Variants in TMEM119 observed in about 807,000 individuals in gnomAD.
TMEM119 encodes transmembrane protein 119.
For missense variants in TMEM119, 410 were observed against 381.0 expected, an observed-to-expected ratio of 1.08 and a Z score of -0.63; for synonymous variants, 182 against 176.4, an observed-to-expected ratio of 1.03 and a Z score of -0.25.
Position 108,591,527 on chromosome 12 carries a change from G to A in TMEM119, c.*5C>T, listed in dbSNP as rs1300555307. On this transcript the variant is annotated 3_prime_UTR_variant, in exon 2 of 2. Coordinates refer to ENST00000392806, the MANE Select transcript of TMEM119 (RefSeq NM_181724.3). This position sits in a 1 kb window ranked among gnomAD's most constrained non-coding sequence, Gnocchi z 4.2. ...ACAGTCAGGGCTGGCAGCCCGGGAG[G>A]ACTGTTAGACACTGGGGTGGACACT... 1.2e-5 allele frequency: 19 copies of A among 1,576,860 alleles called. No individual in the cohort carries two copies. Among genetic ancestry groups the A allele is most frequent in the Non-Finnish European group, 1.6e-5 (19 of 1,160,208 alleles).
rs1433198339 is a variant in TMEM119, at chr12:108,590,904, A to G, written c.*628T>C. ...AGGACACAAGAAGGGAACCATTTGC[A>G]GTTTCAAAATACTGCTTCACGCCAG... On this transcript the variant is annotated 3_prime_UTR_variant, in exon 2 of 2. Transcript: ENST00000392806. 2 of 152,266 alleles carry G rather than the reference A, an allele frequency of 1.3e-5. No homozygotes were observed. The highest frequency in any genetic ancestry group is 2.1e-4 in the South Asian group (1 of 4,836). The allele number at this position is 152,266 out of a possible 1,614,324, so 9.4% of individuals were successfully genotyped here. A position where few individuals can be genotyped will look rare whatever the true frequency, so the allele number is the denominator to read the frequency against.
Position 108,592,509 on chromosome 12 carries a change from A to G in TMEM119, c.-14-112T>C, listed in dbSNP as rs1411338932. ...CAGGGAGCATGAAACACCTTCTAGC[A>G]AGTCCCTTCCATTCCCAGGGCCTGA... On this transcript the variant is annotated intron_variant, in intron 1 of 1. Coordinates refer to ENST00000392806, the MANE Select transcript of TMEM119 (RefSeq NM_181724.3). The surrounding 1 kb of genome is among the most constrained non-coding windows in gnomAD (Gnocchi z 4.3). The G allele has an allele frequency of 8.3e-7, 1 of 1,211,760 alleles. No individual in the cohort carries two copies. Among genetic ancestry groups the G allele is most frequent in the African/African-American group, 1.5e-5 (1 of 65,036 alleles). 75.1% of individuals were successfully genotyped at this position (1,211,760 alleles called of 1,614,324 possible).
In TMEM119 at chr12:108,591,434, G is replaced by C; in HGVS notation, c.*98C>G. The stretch of plus-strand genomic sequence containing the variant: ...TTGGCACCACAGGGAGGCCAAGGAG[G>C]GAGTGTCAGGAAGCAGTCAGGGCTG... On this transcript the variant is annotated 3_prime_UTR_variant, in exon 2 of 2. Coordinates refer to ENST00000392806, the MANE Select transcript of TMEM119 (RefSeq NM_181724.3). This position sits in a 1 kb window ranked among gnomAD's most constrained non-coding sequence, Gnocchi z 4.2. The C allele has an allele frequency of 1.9e-5, 26 of 1,365,162 alleles. No homozygotes were observed. The highest frequency in any genetic ancestry group is 2.5e-5 in the Non-Finnish European group (25 of 1,014,104). 84.6% of individuals were successfully genotyped at this position (1,365,162 alleles called of 1,614,324 possible).
At chr12:108,594,550 C>CAAAAAAAAAAAAAAAAA (rs60142479) in intron 1 of TMEM119, 6 of 102,804 alleles carry the variant, frequency 5.8e-5, no homozygotes, top group Non-Finnish European at 5.7e-5. Context: ...AAGAACCTGT[C>CAAAAAAAAAAAAAAAAA]AAAAAAAAAA....
intron 1 of TMEM119, among the ~76,000 whole-genome samples, chr12:108,595,786 C>G (rs77442142): frequency 0.021 from 3,153 of 152,338 alleles, 51 homozygotes; most frequent in Middle Eastern, 0.051. Flanking sequence ...CCCCTCACCT[C>G]TCTGGCACCT....
chr12:108,595,472 A>G (rs1240773581), intron 1 of TMEM119, among the ~76,000 whole-genome samples: 1 of 150,360 alleles, frequency 6.7e-6, no homozygotes, highest in African/African-American at 2.5e-5. Flanking sequence ...ACACACATGC[A>G]CACACACCCC....
intron 1 of TMEM119, among the ~76,000 whole-genome samples, chr12:108,594,714 G>A (rs765974021): frequency 1.4e-4 from 21 of 152,130 alleles, no homozygotes; most frequent in Admixed American, 2.6e-4. Context: ...GGCCGAGGCC[G>A]GAGGATTGAT....
At chr12:108,595,784 C>A (rs2136744425) in intron 1 of TMEM119, among the ~76,000 whole-genome samples, 2 of 152,312 alleles carry the variant, frequency 1.3e-5, no homozygotes, top group South Asian at 4.1e-4. Context: ...ACCCCCTCAC[C>A]TCTCTGGCAC....
intron 1 of TMEM119, among the ~76,000 whole-genome samples, chr12:108,595,001 T>C (rs1281362572): frequency 3.3e-5 from 5 of 152,138 alleles, no homozygotes; most frequent in African/African-American, 1.2e-4. Context: ...ATCTAAGCCC[T>C]TTTCATGCCT....
Position 108,590,752 on chromosome 12 carries a change from C to T in TMEM119, c.*780G>A, listed in dbSNP as rs541621690. 1 of 152,272 alleles carries T rather than the reference C, an allele frequency of 6.6e-6. No individual in the cohort carries two copies. Among genetic ancestry groups the T allele is most frequent in the South Asian group, 2.1e-4 (1 of 4,826 alleles). 9.4% of individuals were successfully genotyped at this position (152,272 alleles called of 1,614,324 possible). Reference sequence around the variant, plus strand: ...CTCGGGGAACCTAGTTTGGGAAATGCTCATTTAGGGACCTGTCGTAATGTG... The same window carrying T: ...CTCGGGGAACCTAGTTTGGGAAATGTTCATTTAGGGACCTGTCGTAATGTG... On this transcript the variant is annotated 3_prime_UTR_variant, in exon 2 of 2. Transcript: ENST00000392806.
chr12:108,593,802 C>T (rs2031459688), intron 1 of TMEM119, among the ~76,000 whole-genome samples: 2 of 152,234 alleles, frequency 1.3e-5, no homozygotes, highest in South Asian at 4.1e-4. Flanking sequence ...TTTCAAAACA[C>T]TGTCTCTCCC....
chr12:108,591,388 T>C lies in TMEM119; in HGVS notation c.*144A>G. 1 of 975,970 alleles carries C rather than the reference T, an allele frequency of 1.0e-6. No individual in the cohort carries two copies. Among genetic ancestry groups the C allele is most frequent in the East Asian group, 2.5e-5 (1 of 39,352 alleles). The allele number at this position is 975,970 out of a possible 1,614,324, so 60.5% of individuals were successfully genotyped here. A position where few individuals can be genotyped will look rare whatever the true frequency, so the allele number is the denominator to read the frequency against. On this transcript the variant is annotated 3_prime_UTR_variant, in exon 2 of 2. Transcript: ENST00000392806. This position sits in a 1 kb window ranked among gnomAD's most constrained non-coding sequence, Gnocchi z 4.2. Reference sequence around the variant, plus strand: ...CGGGGACCAGCATTTCTGCCTGCTGTAGAATCAGCACATGCTGGGATTGGC... The same window carrying C: ...CGGGGACCAGCATTTCTGCCTGCTGCAGAATCAGCACATGCTGGGATTGGC...
Position 108,591,862 on chromosome 12 carries a change from G to C in TMEM119, c.522C>G (p.Ala174=). 1 of 1,606,530 alleles carries C rather than the reference G, an allele frequency of 6.2e-7. No individual in the cohort carries two copies. Among genetic ancestry groups the C allele is most frequent in the Non-Finnish European group, 8.5e-7 (1 of 1,176,652 alleles). Residue 174 remains alanine, a synonymous_variant, in exon 2 of 2, where the codon GCC becomes GCG. Coordinates refer to ENST00000392806, the MANE Select transcript of TMEM119 (RefSeq NM_181724.3). This position sits in a 1 kb window ranked among gnomAD's most constrained non-coding sequence, Gnocchi z 4.2. ...EALDSSRQLQ[A]DILAATQNLK... ...GGTTCTGGGTGGCGGCCAAGATGTCGGCCTGGAGCTGCCGGGAGGAATCCA... is the reference window on the plus strand; with the variant it reads ...GGTTCTGGGTGGCGGCCAAGATGTCCGCCTGGAGCTGCCGGGAGGAATCCA...
chr12:108,597,340 G>T (rs893136377), intron 1 of TMEM119, among the ~76,000 whole-genome samples: 1 of 152,078 alleles, frequency 6.6e-6, no homozygotes, highest in Non-Finnish European at 1.5e-5. Context: ...CCTTGTGGGG[G>T]AGGGGTGTTC....
At position 108,591,992 on chromosome 12, in the gene TMEM119, G is replaced by A; in HGVS notation, c.392C>T (p.Ser131Phe). The A allele has an allele frequency of 6.2e-7, 1 of 1,613,728 alleles. No homozygotes were observed. The highest frequency in any genetic ancestry group is 8.5e-7 in the Non-Finnish European group (1 of 1,179,818). The change falls in exon 2 of 2, where the codon TCC becomes TTC. Residue 131 changes from serine (S) to phenylalanine (F), a missense_variant. Ser to Phe is a radical substitution (Grantham distance 155). Transcript: ENST00000392806. The surrounding 1 kb of genome is among the most constrained non-coding windows in gnomAD (Gnocchi z 4.2). ...KQKASAYYPS[S>F]FPKKKYVDQS... is the part of the protein sequence containing the mutation. The stretch of plus-strand genomic sequence containing the variant: ...GTCCACGTACTTCTTCTTGGGGAAG[G>A]ACGATGGGTAATAGGCCGAGGCCTT...
rs149403236 is a variant in TMEM119, at chr12:108,597,216, G to T, written c.-15+754C>A. ...GGAGGAGTGCAGATGCACCCCTGAG[G>T]CCTGGGGGCCCCAAGACTTGAAGCT... On this transcript the variant is annotated intron_variant, in intron 1 of 1. Coordinates refer to ENST00000392806, the MANE Select transcript of TMEM119 (RefSeq NM_181724.3). Among the ~76,000 whole-genome samples the T allele has an allele frequency of 1.4e-3, 220 of 152,266 alleles. 3 individuals are homozygous for T. The highest frequency in any genetic ancestry group is 0.01 in the Middle Eastern group (3 of 294).
chr12:108,591,981 TC>T lies in TMEM119; in HGVS notation c.402del (p.Lys135ArgfsTer125), dbSNP rs2031413500. The T allele has an allele frequency of 6.2e-7, 1 of 1,613,404 alleles. No homozygotes were observed. The highest frequency in any genetic ancestry group is 1.3e-5 in the African/African-American group (1 of 74,898). On this transcript the variant is annotated frameshift_variant, in exon 2 of 2. Coordinates refer to ENST00000392806, the MANE Select transcript of TMEM119 (RefSeq NM_181724.3). LOFTEE classifies it low-confidence loss of function (END_TRUNC). This position sits in a 1 kb window ranked among gnomAD's most constrained non-coding sequence, Gnocchi z 4.2. ...ASAYYPSSFP[K>X]KKYVDQSDRA... is the part of the protein sequence containing the mutation. ...CGGTCACTCTGGTCCACGTACTTCT[TC>T]TTGGGGAAGGACGATGGGTAATAGG...
rs2031431807 is a variant in TMEM119, at chr12:108,592,513, C to T, written c.-14-116G>A. 2.6e-6 allele frequency: 3 copies of T among 1,160,262 alleles called. No homozygotes were observed. The highest frequency in any genetic ancestry group is 3.5e-6 in the Non-Finnish European group (3 of 847,216). The allele number at this position is 1,160,262 out of a possible 1,614,324, so 71.9% of individuals were successfully genotyped here. ...GAGCATGAAACACCTTCTAGCAAGTCCCTTCCATTCCCAGGGCCTGAGCCC... is the reference window on the plus strand; with the variant it reads ...GAGCATGAAACACCTTCTAGCAAGTTCCTTCCATTCCCAGGGCCTGAGCCC... On this transcript the variant is annotated intron_variant, in intron 1 of 1. Coordinates refer to ENST00000392806, the MANE Select transcript of TMEM119 (RefSeq NM_181724.3). The surrounding 1 kb of genome is among the most constrained non-coding windows in gnomAD (Gnocchi z 4.3).
Position 108,591,948 on chromosome 12 carries a change from C to G in TMEM119, c.436G>C (p.Gly146Arg), listed in dbSNP as rs1330345641. The G allele has an allele frequency of 6.2e-7, 1 of 1,612,864 alleles. No individual in the cohort carries two copies. The highest frequency in any genetic ancestry group is 1.1e-5 in the South Asian group (1 of 91,006). The change falls in exon 2 of 2, where the codon GGC becomes CGC. Residue 146 changes from glycine to arginine, a missense_variant. By Grantham distance (125) the Gly-to-Arg change is moderately radical. Transcript: ENST00000392806. This position sits in a 1 kb window ranked among gnomAD's most constrained non-coding sequence, Gnocchi z 4.2. ...KYVDQSDRAG[G>R]PRAFSEVPDR... ...GGGACCTCACTGAAGGCCCGGGGGC[C>G]CCCGGCCCGGTCACTCTGGTCCACG... is the stretch of plus-strand genomic sequence containing the variant.
Sources: gnomAD v4.1 joint callset for allele counts (sites outside exome capture counted in the v4.1 genomes callset) on GRCh38, gnomAD v4.1.1 for gene constraint, Gnocchi (gnomAD v3.1) non-coding constraint, MANE v1.5 for transcripts, NCBI Gene and HGNC (gene_info 2026-07-23, HGNC 2026-07-21) for gene names.